HDGF: variants seen among roughly 807,000 people sequenced by gnomAD.
HDGF encodes the protein hepatoma-derived growth factor.
A neutral mutation model predicts 30.0 loss-of-function variants in HDGF; 5 were observed. That is an observed-to-expected ratio of 0.17 (90% CI 0.09 to 0.35). The LOEUF (loss-of-function observed/expected upper bound fraction) is 0.35, where lower values mean the gene tolerates loss of function less well. Among genes scored for constraint, HDGF ranks in the 10% least tolerant of loss-of-function variants. The probability of loss-of-function intolerance (pLI) is 1.00; values close to 1 mark genes in which losing one functional copy is unlikely to be tolerated. For synonymous variants in HDGF, 133 were observed against 112.7 expected (o/e 1.18, Z -1.14); for missense variants, 214 against 302.8 (o/e 0.71, Z 2.18).
chr1:156,744,133 G>A (rs1417246149), intron 4 of HDGF, 30 bp downstream of exon 4: 3 of 1,600,848 alleles, frequency 1.9e-6, no homozygotes, highest in Middle Eastern at 1.7e-4. Flanking sequence ...ATGTTGAGGG[G>A]GGCCCAGGCC....
chr1:156,744,617 T>C (rs1179186943), intron 3 of HDGF: 8 of 1,351,280 alleles, frequency 5.9e-6, no homozygotes, highest in Non-Finnish European at 7.9e-6. Flanking sequence ...CAAAGGGAGC[T>C]AGGACCCTTT....
upstream of HDGF, chr1:156,755,778 G>C (rs150628433): frequency 2.6e-5 from 4 of 152,332 alleles, no homozygotes; most frequent in South Asian, 2.1e-4. Flanking sequence ...CCCTGCCTTT[G>C]TGCATTCTGT....
chr1:156,766,369 A>G (rs1651377212), intron 1 of HDGF, among the ~76,000 whole-genome samples: 1 of 152,216 alleles, frequency 6.6e-6, no homozygotes, highest in African/African-American at 2.4e-5. Flanking sequence ...GGGAACAGGG[A>G]GGTGGTGCCC....
chr1:156,744,776 C>T (rs1650408063), intron 3 of HDGF, among the ~76,000 whole-genome samples: 1 of 152,118 alleles, frequency 6.6e-6, no homozygotes, highest in South Asian at 2.1e-4. Flanking sequence ...CCGCCTCCAT[C>T]CTGTTCTTGC....
At chr1:156,764,886 C>CAAA (rs555336967) in intron 1 of HDGF, among the ~76,000 whole-genome samples, 1 of 118,270 alleles carries the variant, frequency 8.5e-6, no homozygotes, top group African/African-American at 3.1e-5. Flanking sequence ...ACTCTATCTC[C>CAAA]AAAAAAAAAA....
In HDGF at chr1:156,759,966, T is replaced by C. The variant is rs148336412; in HGVS notation, n.137-747A>G. The stretch of plus-strand genomic sequence containing the variant: ...ATAATACTGGACACATTTCATCTTA[T>C]TCAGGAGTGAGGATCTCTCACCATT... On this transcript the variant is annotated intron_variant and non_coding_transcript_variant, in intron 1 of 7. Transcript: ENST00000465180. Among the ~76,000 whole-genome samples the C allele has an allele frequency of 2.0e-5, 3 of 152,364 alleles. No individual in the cohort carries two copies. In the East Asian group the frequency reaches 5.8e-4, roughly 29 times the overall value.
intron 1 of HDGF, among the ~76,000 whole-genome samples, chr1:156,747,250 GCCCCCCC>G (rs1314352449): frequency 7.1e-5 from 1 of 14,180 alleles, no homozygotes; most frequent in Non-Finnish European, 1.3e-4. Flanking sequence ...CCTCCCCCCC[GCCCCCCC>G]CCCCCCGCCC....
At chr1:156,745,269 G>A (rs374963146) in intron 2 of HDGF, 28 bp downstream of exon 2, 14 of 1,611,928 alleles carry the variant, frequency 8.7e-6, no homozygotes, top group Admixed American at 8.4e-5. Context: ...GGGCCCTCCC[G>A]ACCTATACCC....
chr1:156,748,127 C>T (rs1230830874), intron 1 of HDGF, among the ~76,000 whole-genome samples: 1 of 152,172 alleles, frequency 6.6e-6, no homozygotes, highest in East Asian at 1.9e-4. Context: ...CATCATCCCA[C>T]CTGGCTCCCT....
rs1650956962 is a variant in HDGF, at chr1:156,751,232, A to G, written c.87+111T>C. ...GACAGAGAAAGAGCCGGAGACCTAC[A>G]AGCCCCCTGCCCCCACCTCTGCCCG... On this transcript the variant is annotated intron_variant, in intron 1 of 5. Coordinates refer to ENST00000357325, the MANE Select transcript of HDGF (RefSeq NM_004494.3). The surrounding 1 kb of genome is among the most constrained non-coding windows in gnomAD (Gnocchi z 4.7). The G allele has an allele frequency of 2.3e-6, 3 of 1,303,304 alleles. No homozygotes were observed. Among genetic ancestry groups the G allele is most frequent in the Non-Finnish European group, 3.0e-6 (3 of 1,002,540 alleles). The allele number at this position is 1,303,304 out of a possible 1,614,324, so 80.7% of individuals were successfully genotyped here.
At chr1:156,750,846 T>G (rs1249699564) in intron 1 of HDGF, 1 of 152,188 alleles carries the variant, frequency 6.6e-6, no homozygotes, top group African/African-American at 2.4e-5. Flanking sequence ...TCTAGCCCTC[T>G]CCGGGTTGGG....
intron 1 of HDGF, among the ~76,000 whole-genome samples, chr1:156,749,251 A>G (rs983948371): frequency 1.1e-4 from 17 of 152,184 alleles, no homozygotes. Flanking sequence ...TTTATGGCTG[A>G]AGATTTGGGT....
At chr1:156,751,974 A>C, upstream of HDGF, 2 of 1,456,062 alleles carry the variant, frequency 1.4e-6, no homozygotes, top group Non-Finnish European at 1.9e-6. The surrounding 1 kb of genome is among the most constrained non-coding windows in gnomAD (Gnocchi z 4.7). Flanking sequence ...CCCGCCCGGG[A>C]GGAGCTGGCG....
upstream of HDGF, chr1:156,755,480 T>C (rs1651139829): frequency 6.6e-6 from 1 of 152,188 alleles, no homozygotes; most frequent in African/African-American, 2.4e-5. Flanking sequence ...ATGACTTAAC[T>C]AGAATTTCTA....
In HDGF at chr1:156,745,332, G is replaced by T. The variant is rs372321208; in HGVS notation, c.129C>A (p.Asn43Lys). ...TCCCGAAAAAAAAGACTTGGTATTT[G>T]TTGGCTGTTGATTTCACGGCAGCCT... Reference protein sequence around the residue: ...MPEAAVKSTANKYQVFFFGTH... With the variant: ...MPEAAVKSTAKKYQVFFFGTH... Residue 43 changes from asparagine to lysine, a missense_variant, in exon 2 of 6, where the codon AAC becomes AAA. By Grantham distance (94) the Asn-to-Lys change is moderately conservative (BLOSUM62 0). Transcript: ENST00000357325. 36 of 1,613,954 alleles carry T rather than the reference G, an allele frequency of 2.2e-5. No homozygotes were observed. Among genetic ancestry groups the T allele is most frequent in the Non-Finnish European group, 2.7e-5 (32 of 1,180,000 alleles).
At position 156,743,209 on chromosome 1, in the gene HDGF, G is replaced by A. The variant is rs532200506; in HGVS notation, c.*240C>T. On this transcript the variant is annotated 3_prime_UTR_variant, in exon 6 of 6. Coordinates refer to ENST00000357325, the MANE Select transcript of HDGF (RefSeq NM_004494.3). ...CACAGTGGCCTCAACTCATTCCAGG[G>A]AGAAGACATGGCTCTGACTCAGATC... The A allele has an allele frequency of 1.3e-4, 58 of 444,998 alleles. No individual in the cohort carries two copies. The highest frequency in any genetic ancestry group is 1.1e-3 in the African/African-American group (55 of 48,918). 27.6% of individuals were successfully genotyped at this position (444,998 alleles called of 1,614,324 possible).
intron 3 of HDGF, 137 bp from the exon 4 acceptor site, chr1:156,744,485 G>C: frequency 6.4e-7 from 1 of 1,572,424 alleles, no homozygotes; most frequent in Non-Finnish European, 8.6e-7. Flanking sequence ...AGTCTCACGA[G>C]TGATTTGAGA....
chr1:156,744,291 C>G lies in HDGF; in HGVS notation c.361G>C (p.Gly121Arg), dbSNP rs758392974. The G allele has an allele frequency of 2.5e-6, 4 of 1,614,196 alleles. No homozygotes were observed. Among genetic ancestry groups the G allele is most frequent in the Admixed American group, 3.3e-5 (2 of 60,024 alleles). The change falls in exon 4 of 6, where the codon GGT (glycine) becomes CGT (arginine). Residue 121 changes from glycine (G) to arginine (R), a missense_variant. Around this residue, in one of 2 missense-constraint regions of HDGF, gnomAD observed 176 missense variants for 211.7 expected, o/e 0.83. Transcript: ENST00000357325. The stretch of plus-strand genomic sequence containing the variant: ...GCATTCCCCTTCTTATCACCGTCAC[C>G]CTCTGCAGCTTCGGGCTCTGGTTCA... ...EPEPEPEAAE[G>R]DGDKKGNAEG...
upstream of HDGF, among the ~76,000 whole-genome samples, chr1:156,754,193 C>T (rs370178093): frequency 5.9e-5 from 9 of 152,334 alleles, no homozygotes; most frequent in African/African-American, 1.9e-4. Context: ...GGATTATAGG[C>T]GTGAGCAACC....
Sources: allele counts gnomAD v4.1 joint callset (sites outside exome capture counted in the v4.1 genomes callset), GRCh38; gene constraint gnomAD v4.1.1; regional missense constraint gnomAD v4.1.1; non-coding constraint Gnocchi (gnomAD v3.1); transcripts MANE v1.5; gene names NCBI Gene and HGNC (gene_info 2026-07-23, HGNC 2026-07-21).